The following ERICH1 variants were observed in gnomAD, a reference collection of about 807,000 sequenced individuals.
ERICH1 encodes glutamate-rich protein 1.
ERICH1 carries 56 observed loss-of-function variants against 39.6 expected under a neutral mutation model. The ratio of observed to expected loss-of-function variants is 1.41; its 90% CI spans 1.14 to 1.77. ERICH1 has a LOEUF of 1.77. Ranked by LOEUF, ERICH1 falls within the 40% of genes most tolerant of loss-of-function variation. ERICH1 has a pLI of 0.00. For synonymous variants in ERICH1, 313 were observed against 223.6 expected (o/e 1.40, Z -3.57); for missense variants, 826 against 575.4 (o/e 1.44, Z -4.45).
chr8:622,466 T>C (rs535194793), intron 3 of ERICH1, among the ~76,000 whole-genome samples: 3 of 152,294 alleles, frequency 2.0e-5, no homozygotes, highest in Admixed American at 1.3e-4. Flanking sequence ...ACCATATCTA[T>C]GAAGCAGAGA....
chr8:673,046 G>T (rs186492463), intron 4 of ERICH1, among the ~76,000 whole-genome samples: 420 of 152,354 alleles, frequency 2.8e-3, no homozygotes, highest in Non-Finnish European at 4.3e-3. Flanking sequence ...CTGCTTCTCT[G>T]GATACGCCAG....
chr8:712,758 G>C (rs1815049549), intron 2 of ERICH1, among the ~76,000 whole-genome samples: 1 of 152,230 alleles, frequency 6.6e-6, no homozygotes, highest in Non-Finnish European at 1.5e-5. Flanking sequence ...TAGGAAAGCA[G>C]TTGACTTCCG....
chr8:639,243 C>T (rs1380804094), intron 3 of ERICH1, among the ~76,000 whole-genome samples: 2 of 152,202 alleles, frequency 1.3e-5, no homozygotes, highest in Non-Finnish European at 2.9e-5. Flanking sequence ...CATCCCATCA[C>T]TGAGGTCCTT....
In ERICH1 at chr8:664,417, C is replaced by T. The variant is rs1801881606; in HGVS notation, c.*186G>A. 1 of 1,243,942 alleles carries T rather than the reference C, an allele frequency of 8.0e-7. No homozygotes were observed. Among genetic ancestry groups the T allele is most frequent in the East Asian group, 3.1e-5 (1 of 32,628 alleles). The allele number at this position is 1,243,942 out of a possible 1,614,324, so 77.1% of individuals were successfully genotyped here. On this transcript the variant is annotated 3_prime_UTR_variant, in exon 6 of 6. Coordinates refer to ENST00000262109, the MANE Select transcript of ERICH1 (RefSeq NM_207332.3). ...ATAATTGCAAATAAGTGAAAAATTT[C>T]CATTTTACCCCAATTTCTCATCTGA...
At chr8:690,608 C>T (rs1808685299) in intron 3 of ERICH1, among the ~76,000 whole-genome samples, 1 of 152,252 alleles carries the variant, frequency 6.6e-6, no homozygotes, top group Admixed American at 6.5e-5. Context: ...GAGGGCTAAG[C>T]ACCAGGTATG....
intron 3 of ERICH1, among the ~76,000 whole-genome samples, chr8:650,748 T>G (rs1438155217): frequency 1.3e-5 from 2 of 152,182 alleles, no homozygotes; most frequent in Non-Finnish European, 2.9e-5. Context: ...TAAAAGGGTC[T>G]CTTCTGTTGT....
intron 3 of ERICH1, among the ~76,000 whole-genome samples, chr8:620,512 T>A (rs1214242028): frequency 6.6e-6 from 1 of 152,186 alleles, no homozygotes; most frequent in African/African-American, 2.4e-5. Flanking sequence ...GTATCTGCAA[T>A]GTACACTGAC....
chr8:699,820 A>C (rs112177872), intron 2 of ERICH1, among the ~76,000 whole-genome samples: 28,546 of 57,850 alleles, frequency 0.49, 4,807 homozygotes, highest in Non-Finnish European at 0.53. Context: ...GATCCGCACA[A>C]GCGCACAGAC....
intron 3 of ERICH1, among the ~76,000 whole-genome samples, chr8:680,941 A>G (rs12114133): frequency 0.67 from 101,714 of 152,086 alleles, 34,272 homozygotes; most frequent in East Asian, 0.9. Flanking sequence ...TCAGGACACA[A>G]GGAGACCTGG....
chr8:674,757 T>C (rs1804283946), intron 3 of ERICH1, among the ~76,000 whole-genome samples: 1 of 152,242 alleles, frequency 6.6e-6, no homozygotes, highest in South Asian at 2.1e-4. Context: ...TAAGTAATGA[T>C]GATTTGCCCA....
chr8:632,208 G>A (rs762039614), intron 3 of ERICH1, among the ~76,000 whole-genome samples: 4 of 152,164 alleles, frequency 2.6e-5, no homozygotes, highest in South Asian at 4.1e-4. Context: ...GATTTGTCCC[G>A]GGGTCTCATT....
intron 1 of ERICH1, among the ~76,000 whole-genome samples, chr8:719,420 C>T (rs1816778465): frequency 6.6e-6 from 1 of 152,252 alleles, no homozygotes; most frequent in East Asian, 1.9e-4. Flanking sequence ...TTCACTTCTG[C>T]AGAACTGCAG....
chr8:682,115 A>G (rs941285435), intron 3 of ERICH1, among the ~76,000 whole-genome samples: 1 of 151,594 alleles, frequency 6.6e-6, no homozygotes, highest in Non-Finnish European at 1.5e-5. Flanking sequence ...CCCCGTGTAA[A>G]ACCCCATTGT....
rs551945836 is a variant in ERICH1 at position 650,512 on chromosome 8, TC to T, written c.976+18085del. The stretch of plus-strand genomic sequence containing the variant: ...ACGTGAGGACGAAATGGGCTTGACC[TC>T]CCAGCAGCAGCCGCCCCGGTGGCTG... On this transcript the variant is annotated intron_variant, in intron 3 of 3. Transcript: ENST00000522706. 3.4e-3 allele frequency among the ~76,000 whole-genome samples: 525 copies of T among 152,176 alleles called. 6 individuals are homozygous for T. The highest frequency in any genetic ancestry group is 0.012 in the African/African-American group (487 of 41,498).
chr8:698,315 T>A (rs1459436250), intron 2 of ERICH1, among the ~76,000 whole-genome samples: 2 of 151,690 alleles, frequency 1.3e-5, no homozygotes, highest in African/African-American at 4.8e-5. Flanking sequence ...GCCTCCCAGG[T>A]TCCAGCGACT....
intron 3 of ERICH1, among the ~76,000 whole-genome samples, chr8:679,922 C>T (rs200170261): frequency 1.6e-5 from 1 of 61,476 alleles, no homozygotes; most frequent in Admixed American, 1.5e-4. Flanking sequence ...ACAGCTGCCA[C>T]CCCTGTGAAC....
intron 2 of ERICH1, among the ~76,000 whole-genome samples, chr8:702,882 C>A (rs1812471008): frequency 6.6e-6 from 1 of 152,234 alleles, no homozygotes; most frequent in Admixed American, 6.5e-5. Context: ...TCCGTCCTTG[C>A]TGCTGAGGGT....
chr8:704,717 A>G (rs749892376), intron 2 of ERICH1, among the ~76,000 whole-genome samples: 1 of 152,308 alleles, frequency 6.6e-6, no homozygotes, highest in Non-Finnish European at 1.5e-5. Flanking sequence ...CTTAGTTTCC[A>G]AAGTCAATAC....
intron 2 of ERICH1, among the ~76,000 whole-genome samples, chr8:697,287 C>A (rs1810540170): frequency 1.3e-5 from 2 of 152,202 alleles, no homozygotes; most frequent in Non-Finnish European, 2.9e-5. Flanking sequence ...TCTCCAGCCT[C>A]CTGCCAGCGC....
Sources: gnomAD v4.1 joint callset for allele counts (sites outside exome capture counted in the v4.1 genomes callset) on GRCh38, gnomAD v4.1.1 for gene constraint, MANE v1.5 for transcripts, NCBI Gene and HGNC (gene_info 2026-07-23, HGNC 2026-07-21) for gene names.